Variants in RBMS3 observed in about 807,000 individuals in gnomAD.
The protein encoded by RBMS3 is RNA binding motif single stranded interacting protein 3.
In RBMS3, 27 loss-of-function variants were observed where a neutral mutation model predicts 66.8. The ratio of observed to expected loss-of-function variants is 0.40; its 90% CI spans 0.30 to 0.56. The LOEUF (loss-of-function observed/expected upper bound fraction) is 0.56, where lower values mean the gene tolerates loss of function less well. Among genes scored for constraint, RBMS3 ranks in the 20% least tolerant of loss-of-function variants. The probability of loss-of-function intolerance (pLI) is 0.40; values close to 1 mark genes in which losing one functional copy is unlikely to be tolerated. For missense variants in RBMS3, 513 were observed against 549.5 expected (o/e 0.93, Z 0.66); for synonymous variants, 188 against 183.0 (o/e 1.03, Z -0.22).
intron 2 of RBMS3, among the ~76,000 whole-genome samples, chr3:29,478,168 A>G (rs535292222): frequency 1.3e-5 from 2 of 152,320 alleles, no homozygotes; most frequent in South Asian, 2.1e-4. Flanking sequence ...TGAAAACCTA[A>G]TATGTGGTTT....
In RBMS3 at chr3:29,472,708, G is replaced by A. The variant is rs921557831; in HGVS notation, c.249-15733G>A. Among the ~76,000 whole-genome samples the A allele has an allele frequency of 4.0e-5, 6 of 151,316 alleles. No homozygotes were observed. The East Asian group carries it at 5.9e-4, about 15-fold the overall frequency. The stretch of plus-strand genomic sequence containing the variant: ...GTTGTTCGTTCCTCCCAGTGGGTTC[G>A]TGGTCTCGCTGGCTTCAGGAGTGAA... On this transcript the variant is annotated intron_variant, in intron 2 of 14. Coordinates refer to ENST00000383767, the MANE Select transcript of RBMS3 (RefSeq NM_001003793.3).
intron 1 of RBMS3, among the ~76,000 whole-genome samples, chr3:29,322,732 T>C (rs2035081676): frequency 6.6e-6 from 1 of 152,002 alleles, no homozygotes; most frequent in Non-Finnish European, 1.5e-5. Flanking sequence ...TTCCTTGGAG[T>C]TAATTTTCAT....
At chr3:29,975,462 G>T (rs1697523058) in intron 12 of RBMS3, among the ~76,000 whole-genome samples, 1 of 151,724 alleles carries the variant, frequency 6.6e-6, no homozygotes, top group Admixed American at 6.6e-5. Flanking sequence ...GGTTGGAGTA[G>T]GGTGTTATAT....
intron 1 of RBMS3, among the ~76,000 whole-genome samples, chr3:29,393,723 A>C (rs937555079): frequency 1.3e-5 from 2 of 152,168 alleles, no homozygotes; most frequent in Non-Finnish European, 2.9e-5. Flanking sequence ...GAAAGAGTAC[A>C]AAGAGAGAAA....
intron 3 of RBMS3, among the ~76,000 whole-genome samples, chr3:29,580,687 TAATA>T (rs2047297873): frequency 4.0e-5 from 4 of 98,922 alleles, no homozygotes; most frequent in Non-Finnish European, 6.0e-5. Context: ...AATAATATAA[TAATA>T]ATAATAATAA....
chr3:29,325,123 A>G (rs1344970251), intron 1 of RBMS3, among the ~76,000 whole-genome samples: 1 of 152,226 alleles, frequency 6.6e-6, no homozygotes, highest in Non-Finnish European at 1.5e-5. Context: ...AACTGTAGAA[A>G]AGAATCAGGA....
intron 1 of RBMS3, among the ~76,000 whole-genome samples, chr3:29,320,077 A>T (rs1042775966): frequency 6.6e-6 from 1 of 152,056 alleles, no homozygotes; most frequent in African/African-American, 2.4e-5. Flanking sequence ...CAACTGACTT[A>T]CCTCATCAAG....
intron 3 of RBMS3, among the ~76,000 whole-genome samples, chr3:29,489,288 A>G (rs1246450591): frequency 6.6e-6 from 1 of 152,148 alleles, no homozygotes; most frequent in African/African-American, 2.4e-5. Flanking sequence ...AATGTGCACA[A>G]GTTTTAGGAA....
At chr3:29,558,967 C>T (rs1393560805) in intron 3 of RBMS3, among the ~76,000 whole-genome samples, 1 of 152,040 alleles carries the variant, frequency 6.6e-6, no homozygotes, top group Non-Finnish European at 1.5e-5. Flanking sequence ...AAATAAACAG[C>T]CTTAAAGATT....
chr3:29,625,000 A>C (rs889400516), intron 4 of RBMS3, among the ~76,000 whole-genome samples: 1 of 152,076 alleles, frequency 6.6e-6, no homozygotes, highest in African/African-American at 2.4e-5. Context: ...TGGGTTTTCC[A>C]TGCTGTTCTC....
intron 4 of RBMS3, chr3:29,616,512 A>G: frequency 6.3e-6 from 1 of 157,662 alleles, no homozygotes; most frequent in Non-Finnish European, 1.4e-5. Context: ...AACAAACAAA[A>G]ATTACAAATC....
intron 1 of RBMS3, among the ~76,000 whole-genome samples, chr3:29,345,626 C>T (rs1387305614): frequency 6.6e-6 from 1 of 152,152 alleles, no homozygotes; most frequent in Admixed American, 6.5e-5. Context: ...ATGTAATTTT[C>T]TCATCCAAAT....
intron 1 of RBMS3, among the ~76,000 whole-genome samples, chr3:29,328,043 C>T (rs1357248520): frequency 6.6e-6 from 1 of 152,146 alleles, no homozygotes; most frequent in Admixed American, 6.5e-5. Flanking sequence ...TAGCATTTTG[C>T]CCACTTAGGT....
At chr3:29,363,722 G>GGAGGTTGTGGTGAGCT (rs2037738511) in intron 1 of RBMS3, among the ~76,000 whole-genome samples, 1 of 151,620 alleles carries the variant, frequency 6.6e-6, no homozygotes, top group Admixed American at 6.6e-5. Flanking sequence ...CCCAGGAGGC[G>GGAGGTTGTGGTGAGCT]GAGGTTGTGG....
At chr3:29,669,222 T>C (rs7634507) in intron 4 of RBMS3, among the ~76,000 whole-genome samples, 108,829 of 152,146 alleles carry the variant, frequency 0.72, 39,380 homozygotes, top group African/African-American at 0.83. Flanking sequence ...ATATTGTCAC[T>C]TGGCTCTTCT....
chr3:29,457,937 T>C (rs1340555830), intron 2 of RBMS3, among the ~76,000 whole-genome samples: 1 of 150,680 alleles, frequency 6.6e-6, no homozygotes, highest in Non-Finnish European at 1.5e-5. Flanking sequence ...TTAGAGCTTT[T>C]TATCTTCCCC....
chr3:29,308,542 G>A (rs1362394116), intron 1 of RBMS3, among the ~76,000 whole-genome samples: 1 of 151,514 alleles, frequency 6.6e-6, no homozygotes, highest in Non-Finnish European at 1.5e-5. Context: ...TTTGATATAG[G>A]AACCTGCCAG....
intron 4 of RBMS3, among the ~76,000 whole-genome samples, chr3:29,660,313 T>A (rs1427501843): frequency 6.6e-6 from 1 of 152,208 alleles, no homozygotes; most frequent in Non-Finnish European, 1.5e-5. Context: ...CTTGTAAAAT[T>A]TTTAAAATTT....
intron 12 of RBMS3, among the ~76,000 whole-genome samples, chr3:29,969,687 T>C (rs1393573526): frequency 2.0e-5 from 3 of 152,204 alleles, no homozygotes; most frequent in African/African-American, 7.2e-5. Flanking sequence ...CATTTATTTC[T>C]GAACAAATGA....
Sources: allele counts gnomAD v4.1 joint callset (sites outside exome capture counted in the v4.1 genomes callset), GRCh38; gene constraint gnomAD v4.1.1; transcripts MANE v1.5; gene names NCBI Gene and HGNC (gene_info 2026-07-23, HGNC 2026-07-21).